The following NPR1 variants were observed in gnomAD, a reference collection of about 807,000 sequenced individuals.
The protein encoded by NPR1 is natriuretic peptide receptor 1, also known as atrial natriuretic peptide receptor 1.
In NPR1, 57 loss-of-function variants were observed where a neutral mutation model predicts 116.9. That is an observed-to-expected ratio of 0.49 (90% CI 0.39 to 0.61). NPR1 has a LOEUF of 0.61. Among genes scored for constraint, NPR1 ranks in the 20% least tolerant of loss-of-function variants. NPR1 has a pLI of 0.00. For missense variants in NPR1, 1,096 were observed against 1,409.8 expected (o/e 0.78, Z 3.56); for synonymous variants, 555 against 601.6 (o/e 0.92, Z 1.13).
chr1:153,679,295 C>T lies in NPR1; in HGVS notation c.187C>T (p.Leu63=), dbSNP rs909057940. The T allele has an allele frequency of 3.9e-6, 6 of 1,531,280 alleles. No individual in the cohort carries two copies. The African/African-American group carries it at 8.4e-5, about 21-fold the overall frequency. 94.9% of individuals were successfully genotyped at this position (1,531,280 alleles called of 1,614,324 possible). ...ARVGPAVELA[L]AQVKARPDLL... ...CGTGGGACCCGCCGTGGAGCTGGCCCTGGCCCAGGTGAAGGCGCGCCCCGA... is the reference window on the plus strand; with the variant it reads ...CGTGGGACCCGCCGTGGAGCTGGCCTTGGCCCAGGTGAAGGCGCGCCCCGA... The change falls in exon 1 of 22, where the codon CTG becomes TTG. Residue 63 remains leucine, a synonymous_variant. Coordinates refer to ENST00000368680, the MANE Select transcript of NPR1 (RefSeq NM_000906.4). This position sits in a 1 kb window ranked among gnomAD's most constrained non-coding sequence, Gnocchi z 4.2.
chr1:153,685,523 G>C (rs1329726502), intron 8 of NPR1, among the ~76,000 whole-genome samples: 1 of 152,012 alleles, frequency 6.6e-6, no homozygotes, highest in African/African-American at 2.4e-5. Flanking sequence ...GATTAGCAGG[G>C]CATGGTGGCG....
At chr1:153,680,093 C>A (rs1229055669) in intron 1 of NPR1, among the ~76,000 whole-genome samples, 2 of 151,766 alleles carry the variant, frequency 1.3e-5, no homozygotes, top group African/African-American at 4.8e-5. Context: ...GGTTCCGGTC[C>A]CTTTTTCCCT....
In NPR1 at chr1:153,684,959, C is replaced by T. The variant is rs1389339785; in HGVS notation, c.1485-5C>T. ...ACAGGCTCAGATGCAGCCTTCGTAT[C>T]CCAGGAAGATGCAGCTGGAGAAGGA... is the stretch of plus-strand genomic sequence containing the variant. On this transcript the variant is annotated splice_region_variant and splice_polypyrimidine_tract_variant and intron_variant, in intron 7 of 21. Coordinates refer to ENST00000368680, the MANE Select transcript of NPR1 (RefSeq NM_000906.4). 13 of 1,614,028 alleles carry T rather than the reference C, an allele frequency of 8.1e-6. 1 individual carries two copies. The East Asian group carries it at 1.6e-4, about 19-fold the overall frequency.
intron 4 of NPR1, 78 bp downstream of exon 4, chr1:153,681,917 C>T: frequency 6.4e-7 from 1 of 1,558,226 alleles, no homozygotes. Context: ...CATGAGAAGC[C>T]TATTGTCCTG....
Position 153,678,920 on chromosome 1 carries a change from G to A in NPR1, c.-189G>A. Reference sequence around the variant, plus strand: ...GGCGCCCTGCGCGCCCCCCTCGGTCGCGCCCCTTGCGCTCTCGGCCCAGAC... The same window carrying A: ...GGCGCCCTGCGCGCCCCCCTCGGTCACGCCCCTTGCGCTCTCGGCCCAGAC... On this transcript the variant is annotated 5_prime_UTR_variant, in exon 1 of 22. Transcript: ENST00000368680. The surrounding 1 kb of genome is among the most constrained non-coding windows in gnomAD (Gnocchi z 5.8). 1.3e-6 allele frequency: 1 copy of A among 746,230 alleles called. No individual in the cohort carries two copies. Among genetic ancestry groups the A allele is most frequent in the Non-Finnish European group, 1.9e-6 (1 of 515,182 alleles). 46.2% of individuals were successfully genotyped at this position (746,230 alleles called of 1,614,324 possible).
At chr1:153,681,424 C>T (rs1274794437) in intron 3 of NPR1, 131 bp downstream of exon 3, 9 of 669,884 alleles carry the variant, frequency 1.3e-5, no homozygotes, top group South Asian at 3.7e-5. Flanking sequence ...CCATGTTTCT[C>T]GTGATGATGG....
At position 153,680,418 on chromosome 1, in the gene NPR1, C is replaced by T. The variant is rs1669735261; in HGVS notation, c.722-83C>T. 4.6e-6 allele frequency: 6 copies of T among 1,314,376 alleles called. No individual in the cohort carries two copies. The Admixed American group carries it at 1.0e-4, about 22-fold the overall frequency. 81.4% of individuals were successfully genotyped at this position (1,314,376 alleles called of 1,614,324 possible). On this transcript the variant is annotated intron_variant, in intron 1 of 21. Coordinates refer to ENST00000368680, the MANE Select transcript of NPR1 (RefSeq NM_000906.4). ...CTCCTGCACCCTATCTCTAAACTTC[C>T]TCCCTTGGGTGCCCCAGCTTTCCTA...
Position 153,682,496 on chromosome 1 carries a change from A to G in NPR1, c.1172-2A>G. On this transcript the variant is annotated splice_acceptor_variant, in intron 4 of 21. Transcript: ENST00000368680. LOFTEE classifies it high-confidence loss of function. Reference sequence around the variant, plus strand: ...CATAGTCATCTTCCCCCATGTCCTCAGGTGTGACAGGATACCTGAAAATTG... The same window carrying G: ...CATAGTCATCTTCCCCCATGTCCTCGGGTGTGACAGGATACCTGAAAATTG... 6.2e-7 allele frequency: 1 copy of G among 1,611,460 alleles called. No individual in the cohort carries two copies. Among genetic ancestry groups the G allele is most frequent in the Non-Finnish European group, 8.5e-7 (1 of 1,177,560 alleles).
At chr1:153,681,440 G>A (rs1263661291) in intron 3 of NPR1, 147 bp downstream of exon 3, 1 of 648,340 alleles carries the variant, frequency 1.5e-6, no homozygotes, top group Non-Finnish European at 2.7e-6. Context: ...GATGGAGGAG[G>A]ACACTGGCAA....
At chr1:153,690,228 C>T (rs1670066869) in intron 19 of NPR1, 56 bp from the exon 20 acceptor site, 1 of 1,400,106 alleles carries the variant, frequency 7.1e-7, no homozygotes. Flanking sequence ...CCTCCCTTAA[C>T]ACCCCTCCCT....
chr1:153,691,459 C>T (rs1670106324), intron 20 of NPR1, among the ~76,000 whole-genome samples: 1 of 152,162 alleles, frequency 6.6e-6, no homozygotes, highest in Admixed American at 6.5e-5. Context: ...CCATCTAAAC[C>T]TTATGGTGAA....
Position 153,681,830 on chromosome 1 carries a change from A to G in NPR1, c.1162A>G (p.Ser388Gly). The change falls in exon 4 of 22, where the codon AGC becomes GGC. Residue 388 changes from serine (S) to glycine (G), a missense_variant. By Grantham distance (56) the Ser-to-Gly change is moderately conservative. Transcript: ENST00000368680. ...CATCACTCAGCGGATGTGGAACCGA[A>G]GCTTTCAAGGTCAGGGCCTGGAGGT... ...ENITQRMWNR[S>G]FQGVTGYLKI... 6.2e-7 allele frequency: 1 copy of G among 1,613,868 alleles called. No individual in the cohort carries two copies. The highest frequency in any genetic ancestry group is 8.5e-7 in the Non-Finnish European group (1 of 1,179,964).
chr1:153,680,982 G>C, intron 2 of NPR1, 198 bp from the exon 3 acceptor site: 1 of 599,570 alleles, frequency 1.7e-6, no homozygotes. Context: ...CCACAGCCTG[G>C]ACAGGACTTG....
chr1:153,690,971 A>G (rs4310476), intron 20 of NPR1, among the ~76,000 whole-genome samples: 53,765 of 116,320 alleles, frequency 0.46, 13,005 homozygotes, highest in East Asian at 0.75. Context: ...AAAAAAAAAG[A>G]CCCTCTGCTC....
chr1:153,686,310 G>A (rs1669926865), intron 10 of NPR1, 110 bp downstream of exon 10: 1 of 1,052,138 alleles, frequency 9.5e-7, no homozygotes, highest in Non-Finnish European at 1.5e-6. Context: ...CAAGAAAGGG[G>A]CAGGGACTGG....
At position 153,693,453 on chromosome 1, in the gene NPR1, G is replaced by A; in HGVS notation, c.*39G>A. 3 of 1,540,134 alleles carry A rather than the reference G, an allele frequency of 1.9e-6. No individual in the cohort carries two copies. Among genetic ancestry groups the A allele is most frequent in the Non-Finnish European group, 2.6e-6 (3 of 1,138,204 alleles). Reference sequence around the variant, plus strand: ...CTATCCCTCCACACCTCCCTACCCTGTGCCAGAAGCAACAGAGGTGCCAGG... The same window carrying A: ...CTATCCCTCCACACCTCCCTACCCTATGCCAGAAGCAACAGAGGTGCCAGG... On this transcript the variant is annotated 3_prime_UTR_variant, in exon 22 of 22. Coordinates refer to ENST00000368680, the MANE Select transcript of NPR1 (RefSeq NM_000906.4).
intron 20 of NPR1, among the ~76,000 whole-genome samples, chr1:153,690,607 C>T (rs1557966430): frequency 6.6e-6 from 1 of 151,988 alleles, no homozygotes; most frequent in Non-Finnish European, 1.5e-5. Flanking sequence ...AAAGTATTTC[C>T]GGGCCAGTGC....
At position 153,693,592 on chromosome 1, in the gene NPR1, T is replaced by C; in HGVS notation, c.*178T>C. 1 of 555,472 alleles carries C rather than the reference T, an allele frequency of 1.8e-6. No individual in the cohort carries two copies. The highest frequency in any genetic ancestry group is 2.8e-5 in the South Asian group (1 of 36,234). The allele number at this position is 555,472 out of a possible 1,614,324, so 34.4% of individuals were successfully genotyped here. A position where few individuals can be genotyped will look rare whatever the true frequency, so the allele number is the denominator to read the frequency against. On this transcript the variant is annotated 3_prime_UTR_variant, in exon 22 of 22. Coordinates refer to ENST00000368680, the MANE Select transcript of NPR1 (RefSeq NM_000906.4). Reference sequence around the variant, plus strand: ...TAGGACCTCTGAGAGGGGACTGGCATGGGGGGATCTCAGAGCTTACAGGCT... The same window carrying C: ...TAGGACCTCTGAGAGGGGACTGGCACGGGGGGATCTCAGAGCTTACAGGCT...
chr1:153,689,714 T>G lies in NPR1; in HGVS notation c.2758-92T>G. On this transcript the variant is annotated intron_variant, in intron 18 of 21. Transcript: ENST00000368680. The surrounding 1 kb of genome is among the most constrained non-coding windows in gnomAD (Gnocchi z 5.1). ...GGGGATGAGCAAAGACAGATGAGGG[T>G]ACAGAATGACAGACGCTGCACCCGG... 1 of 1,361,644 alleles carries G rather than the reference T, an allele frequency of 7.3e-7. No homozygotes were observed. The highest frequency in any genetic ancestry group is 1.4e-5 in the South Asian group (1 of 71,094). The allele number at this position is 1,361,644 out of a possible 1,614,324, so 84.3% of individuals were successfully genotyped here.
Sources: allele counts gnomAD v4.1 joint callset (sites outside exome capture counted in the v4.1 genomes callset), GRCh38; gene constraint gnomAD v4.1.1; non-coding constraint Gnocchi (gnomAD v3.1); transcripts MANE v1.5; gene names NCBI Gene and HGNC (gene_info 2026-07-23, HGNC 2026-07-21).